The following STXBP5 variants were observed in gnomAD, a reference collection of about 807,000 sequenced individuals.
STXBP5 encodes the protein syntaxin-binding protein 5.
In STXBP5, 50 loss-of-function variants were observed where a neutral mutation model predicts 152.4. The ratio of observed to expected loss-of-function variants is 0.33; its 90% CI spans 0.26 to 0.42. STXBP5 has a LOEUF of 0.42. STXBP5 is among the 10% of genes least tolerant of loss of function. STXBP5 has a pLI of 1.00. For synonymous variants in STXBP5, 492 were observed against 494.7 expected (o/e 0.99, Z 0.07); for missense variants, 1,167 against 1,388.6 (o/e 0.84, Z 2.54).
At chr6:147,326,845 A>G (rs912682805) in intron 17 of STXBP5, among the ~76,000 whole-genome samples, 1 of 152,198 alleles carries the variant, frequency 6.6e-6, no homozygotes, top group Non-Finnish European at 1.5e-5. Flanking sequence ...GTGAGATGTG[A>G]GAGATTTATA....
At chr6:147,373,376 A>C (rs1041110103) in intron 25 of STXBP5, among the ~76,000 whole-genome samples, 14 of 151,864 alleles carry the variant, frequency 9.2e-5, no homozygotes, top group East Asian at 3.9e-4. Flanking sequence ...AAAAAAAAAA[A>C]AAAAAAAAAA....
chr6:147,281,894 G>A (rs1780719992), intron 8 of STXBP5, among the ~76,000 whole-genome samples: 1 of 152,132 alleles, frequency 6.6e-6, no homozygotes, highest in South Asian at 2.1e-4. Flanking sequence ...TGACCTTTAG[G>A]AAGTCATTTA....
intron 2 of STXBP5, among the ~76,000 whole-genome samples, chr6:147,210,376 A>C (rs1303466397): frequency 6.6e-6 from 1 of 151,936 alleles, no homozygotes; most frequent in African/African-American, 2.4e-5. Context: ...AATTTGATAT[A>C]CTTTCACTGT....
chr6:147,234,765 T>C (rs1778184924), intron 2 of STXBP5, among the ~76,000 whole-genome samples: 1 of 151,940 alleles, frequency 6.6e-6, no homozygotes, highest in Non-Finnish European at 1.5e-5. Context: ...TTCATTATAT[T>C]TTTAGCGTTA....
chr6:147,303,627 C>T (rs1278567586), intron 9 of STXBP5, among the ~76,000 whole-genome samples: 4 of 152,066 alleles, frequency 2.6e-5, no homozygotes, highest in Admixed American at 6.5e-5. Context: ...TTGGAGGGTT[C>T]GGAAGAAGAC....
At chr6:147,255,343 A>G (rs1779303992) in intron 4 of STXBP5, among the ~76,000 whole-genome samples, 1 of 152,150 alleles carries the variant, frequency 6.6e-6, no homozygotes. Flanking sequence ...CATTAGGAAA[A>G]ATACCTAATG....
chr6:147,321,470 A>G (rs185446750), intron 16 of STXBP5, among the ~76,000 whole-genome samples: 38 of 152,228 alleles, frequency 2.5e-4, no homozygotes, highest in African/African-American at 2.4e-4. Context: ...CATCACCTGT[A>G]GGCTGAAGTG....
chr6:147,290,991 A>T, intron 8 of STXBP5, 103 bp from the exon 9 acceptor site: 4 of 807,146 alleles, frequency 5.0e-6, no homozygotes, highest in African/African-American at 1.7e-5. Flanking sequence ...AAAATGTTTC[A>T]TGGTGGATTT....
intron 8 of STXBP5, among the ~76,000 whole-genome samples, chr6:147,288,676 C>A (rs768853030): frequency 1.3e-5 from 2 of 152,000 alleles, no homozygotes; most frequent in Non-Finnish European, 2.9e-5. Flanking sequence ...CTGCAGTAAC[C>A]TCAATTCTTG....
intron 2 of STXBP5, among the ~76,000 whole-genome samples, chr6:147,225,415 C>G (rs775893160): frequency 6.6e-6 from 1 of 152,136 alleles, no homozygotes; most frequent in Non-Finnish European, 1.5e-5. Context: ...TTTATGTGTA[C>G]TCTAGTCTTC....
intron 11 of STXBP5, among the ~76,000 whole-genome samples, chr6:147,312,354 C>A (rs1273962779): frequency 6.6e-6 from 1 of 152,122 alleles, no homozygotes; most frequent in African/African-American, 2.4e-5. Context: ...TGAATGGAAG[C>A]ACATTGTATT....
chr6:147,301,757 C>G (rs1292874790), intron 9 of STXBP5, among the ~76,000 whole-genome samples: 1 of 152,034 alleles, frequency 6.6e-6, no homozygotes, highest in Non-Finnish European at 1.5e-5. Context: ...ATTCTGATGT[C>G]TTCTCCCTAC....
intron 3 of STXBP5, 134 bp downstream of exon 3, chr6:147,235,465 T>A: frequency 1.5e-6 from 1 of 677,842 alleles, no homozygotes; most frequent in Non-Finnish European, 2.5e-6. Flanking sequence ...TCAGAAATAG[T>A]AGTAATTCGT....
intron 9 of STXBP5, chr6:147,293,440 A>G (rs889859235): frequency 9.9e-5 from 15 of 152,126 alleles, no homozygotes; most frequent in African/African-American, 3.4e-4. Context: ...TGCAGCCTAA[A>G]TCGAGAACTG....
chr6:147,292,492 G>A (rs117153020), intron 9 of STXBP5: 3,151 of 205,794 alleles, frequency 0.015, 37 homozygotes, highest in Admixed American at 0.026. Context: ...GCAGTTTCTG[G>A]TATATAATAA....
At chr6:147,279,248 C>T (rs760399143) in intron 8 of STXBP5, among the ~76,000 whole-genome samples, 1 of 152,074 alleles carries the variant, frequency 6.6e-6, no homozygotes, top group African/African-American at 2.4e-5. Context: ...ATGAAGGCCA[C>T]CTTTTTTGTT....
chr6:147,340,846 T>C (rs1234207865), intron 21 of STXBP5, among the ~76,000 whole-genome samples: 1 of 152,158 alleles, frequency 6.6e-6, no homozygotes, highest in African/African-American at 2.4e-5. Flanking sequence ...TTATCAGTGT[T>C]GATAATGTTA....
rs1216029588 is a variant in STXBP5 at position 147,384,859 on chromosome 6, A to G, written c.*104A>G. ...ACGTTAAAGGGATGTTCGTCACTGA[A>G]TACTGTTCTTTCCTAGCACAGTCAT... On this transcript the variant is annotated 3_prime_UTR_variant, in exon 28 of 28. Transcript: ENST00000321680. 2 of 1,174,468 alleles carry G rather than the reference A, an allele frequency of 1.7e-6. No homozygotes were observed. The highest frequency in any genetic ancestry group is 1.5e-5 in the African/African-American group (1 of 64,710). 72.8% of individuals were successfully genotyped at this position (1,174,468 alleles called of 1,614,324 possible).
chr6:147,339,434 G>A (rs1783990653), intron 21 of STXBP5, 50 bp downstream of exon 21: 2 of 1,357,040 alleles, frequency 1.5e-6, no homozygotes, highest in East Asian at 5.4e-5. Context: ...TATATGCAGT[G>A]CTAACCCAAC....
Sources: gnomAD v4.1 joint callset for allele counts (sites outside exome capture counted in the v4.1 genomes callset) on GRCh38, gnomAD v4.1.1 for gene constraint, MANE v1.5 for transcripts, NCBI Gene and HGNC (gene_info 2026-07-23, HGNC 2026-07-21) for gene names.